The following CHST11 variants were observed in gnomAD, a reference collection of about 807,000 sequenced individuals.
CHST11 encodes the protein C4S-1.
A neutral mutation model predicts 30.4 loss-of-function variants in CHST11; 9 were observed. The ratio of observed to expected loss-of-function variants is 0.30; its 90% CI spans 0.18 to 0.52. The LOEUF (loss-of-function observed/expected upper bound fraction) is 0.52. CHST11 is among the 20% of genes least tolerant of loss of function. The pLI is 0.97. For missense variants in CHST11, 348 were observed against 460.6 expected (o/e 0.76, Z 2.24); for synonymous variants, 152 against 187.8 (o/e 0.81, Z 1.56).
intron 2 of CHST11, among the ~76,000 whole-genome samples, chr12:104,677,749 G>A (rs1403580666): frequency 6.6e-6 from 1 of 152,240 alleles, no homozygotes; most frequent in Non-Finnish European, 1.5e-5. Flanking sequence ...GTACCATGTT[G>A]CCAAGACGGG....
intron 2 of CHST11, among the ~76,000 whole-genome samples, chr12:104,629,464 A>G (rs1057441812): frequency 1.3e-5 from 2 of 152,258 alleles, no homozygotes; most frequent in African/African-American, 4.8e-5. Flanking sequence ...TTTAAAGTAC[A>G]GATGCCCCTT....
intron 1 of CHST11, among the ~76,000 whole-genome samples, chr12:104,495,425 A>G (rs1026754273): frequency 2.0e-5 from 3 of 152,116 alleles, no homozygotes; most frequent in Non-Finnish European, 4.4e-5. Flanking sequence ...GTGCCATTTT[A>G]TATTCCTACC....
intron 2 of CHST11, among the ~76,000 whole-genome samples, chr12:104,735,442 A>C (rs1462735607): frequency 6.6e-6 from 1 of 152,194 alleles, no homozygotes; most frequent in Admixed American, 6.5e-5. Flanking sequence ...GTTCTATAAG[A>C]GAGATGAGCC....
chr12:104,507,137 G>A (rs898490750), intron 1 of CHST11, among the ~76,000 whole-genome samples: 1 of 152,166 alleles, frequency 6.6e-6, no homozygotes, highest in African/African-American at 2.4e-5. Flanking sequence ...AGGGACAGGT[G>A]GGGTAAGCTC....
At chr12:104,531,820 T>G (rs2038188151) in intron 1 of CHST11, among the ~76,000 whole-genome samples, 1 of 152,196 alleles carries the variant, frequency 6.6e-6, no homozygotes, top group Non-Finnish European at 1.5e-5. Flanking sequence ...TTCTTCCCAT[T>G]ACTGTCAATG....
chr12:104,747,837 C>G (rs1204826790), intron 2 of CHST11, among the ~76,000 whole-genome samples: 4 of 152,154 alleles, frequency 2.6e-5, no homozygotes, highest in Non-Finnish European at 5.9e-5. Context: ...GGGGCGACCT[C>G]TCTTCCTCCT....
At chr12:104,700,830 G>T (rs1239168749) in intron 2 of CHST11, among the ~76,000 whole-genome samples, 1 of 152,162 alleles carries the variant, frequency 6.6e-6, no homozygotes, top group Non-Finnish European at 1.5e-5. Flanking sequence ...GAAAAGTTGG[G>T]CTGGGCGCGG....
At position 104,481,201 on chromosome 12, in the gene CHST11, G is replaced by A. The variant is rs182744150; in HGVS notation, c.118+23672G>A. Reference sequence around the variant, plus strand: ...ATCCTTAGCCTGACTTCAAGGTCCCGCCTCACTGAGGCCTGCCTGGTCCCA... The same window carrying A: ...ATCCTTAGCCTGACTTCAAGGTCCCACCTCACTGAGGCCTGCCTGGTCCCA... On this transcript the variant is annotated intron_variant, in intron 1 of 2. Coordinates refer to ENST00000303694, the MANE Select transcript of CHST11 (RefSeq NM_018413.6). Among the ~76,000 whole-genome samples the A allele has an allele frequency of 2.8e-3, 430 of 152,228 alleles. 3 individuals carry two copies. Among genetic ancestry groups the A allele is most frequent in the African/African-American group, 9.1e-3 (379 of 41,538 alleles).
intron 1 of CHST11, among the ~76,000 whole-genome samples, chr12:104,584,076 G>C (rs1161007741): frequency 6.6e-6 from 1 of 152,148 alleles, no homozygotes; most frequent in East Asian, 1.9e-4. Context: ...TTTGGTTTTT[G>C]TTGGGGAAAT....
rs34967812 is a variant in CHST11 at position 104,577,234 on chromosome 12, A to ATTTTTTTTTTTTT, written c.119-24656_119-24644dup. 2.7e-5 allele frequency among the ~76,000 whole-genome samples: 2 copies of ATTTTTTTTTTTTT among 74,218 alleles called. 1 individual carries two copies. Among genetic ancestry groups the ATTTTTTTTTTTTT allele is most frequent in the African/African-American group, 1.2e-4 (2 of 16,690 alleles). 48.7% of individuals were successfully genotyped at this position (74,218 alleles called of 152,430 possible). A position where few individuals can be genotyped will look rare whatever the true frequency, so the allele number is the denominator to read the frequency against. ...GTGTATCTGAGGGCTGCAGCCCTTC[A>ATTTTTTTTTTTTT]TTTTTTTTTTTTTTTTTTTTTTTTT... On this transcript the variant is annotated intron_variant, in intron 1 of 2. Transcript: ENST00000303694.
chr12:104,470,687 C>A (rs56380349), intron 1 of CHST11, among the ~76,000 whole-genome samples: 2 of 152,124 alleles, frequency 1.3e-5, no homozygotes, highest in African/African-American at 4.8e-5. Context: ...CCTATTTAAT[C>A]CCCACCACAA....
At position 104,575,314 on chromosome 12, in the gene CHST11, A is replaced by G. The variant is rs556540359; in HGVS notation, c.119-26592A>G. Reference sequence around the variant, plus strand: ...CAATCCAGTAAACAAGTATTTTCTGAGTGTCTGCTGTGTGCCAGACAGTGT... The same window carrying G: ...CAATCCAGTAAACAAGTATTTTCTGGGTGTCTGCTGTGTGCCAGACAGTGT... On this transcript the variant is annotated intron_variant, in intron 1 of 2. Coordinates refer to ENST00000303694, the MANE Select transcript of CHST11 (RefSeq NM_018413.6). 2.6e-5 allele frequency among the ~76,000 whole-genome samples: 4 copies of G among 152,190 alleles called. No individual in the cohort carries two copies. In the East Asian group the frequency reaches 7.7e-4, roughly 29 times the overall value.
intron 2 of CHST11, among the ~76,000 whole-genome samples, chr12:104,702,642 A>G (rs1168114354): frequency 6.6e-6 from 1 of 150,684 alleles, no homozygotes; most frequent in Non-Finnish European, 1.5e-5. Context: ...TGGTTGAGCG[A>G]CTCCCCCGCA....
chr12:104,581,180 G>C (rs937920072), intron 1 of CHST11, among the ~76,000 whole-genome samples: 1 of 152,156 alleles, frequency 6.6e-6, no homozygotes, highest in Non-Finnish European at 1.5e-5. Context: ...TTATCCTTGA[G>C]GACTTTGGAC....
rs1490361488 is a variant in CHST11 at position 104,676,140 on chromosome 12, C to T, written c.204+74149C>T. On this transcript the variant is annotated intron_variant, in intron 2 of 2. Coordinates refer to ENST00000303694, the MANE Select transcript of CHST11 (RefSeq NM_018413.6). This position sits in a 1 kb window ranked among gnomAD's most constrained non-coding sequence, Gnocchi z 4.4. ...AGAGATCAGCCTGCAGTTAGGGCAC[C>T]GTATTGGTTTCCAATTGCTGCTGTA... Among the ~76,000 whole-genome samples, 2 of 152,264 alleles carry T rather than the reference C, an allele frequency of 1.3e-5. No homozygotes were observed. Among genetic ancestry groups the T allele is most frequent in the East Asian group, 1.9e-4 (1 of 5,192 alleles).
chr12:104,705,335 T>C (rs538919094), intron 2 of CHST11, among the ~76,000 whole-genome samples: 62 of 152,088 alleles, frequency 4.1e-4, no homozygotes, highest in Non-Finnish European at 7.5e-4. Context: ...CGTTTTATTA[T>C]CTCTAGAATG....
chr12:104,466,136 A>C (rs118000883), intron 1 of CHST11, among the ~76,000 whole-genome samples: 85 of 152,304 alleles, frequency 5.6e-4, no homozygotes, highest in African/African-American at 1.9e-3. Flanking sequence ...CTAGGATTAC[A>C]GGCATAAGCC....
At chr12:104,746,371 C>T (rs2040389134) in intron 2 of CHST11, among the ~76,000 whole-genome samples, 1 of 152,194 alleles carries the variant, frequency 6.6e-6, no homozygotes, top group Non-Finnish European at 1.5e-5. Context: ...CTCAGCAAAT[C>T]CTGGGCTTTC....
chr12:104,574,389 CT>C (rs1484283654), intron 1 of CHST11, among the ~76,000 whole-genome samples: 1 of 152,194 alleles, frequency 6.6e-6, no homozygotes, highest in East Asian at 1.9e-4. Context: ...ATAAATCATG[CT>C]GCTATAAAGA....
Sources: allele counts gnomAD v4.1 joint callset (sites outside exome capture counted in the v4.1 genomes callset), GRCh38; gene constraint gnomAD v4.1.1; non-coding constraint Gnocchi (gnomAD v3.1); transcripts MANE v1.5; gene names NCBI Gene and HGNC (gene_info 2026-07-23, HGNC 2026-07-21).